Variants in RBMS3 observed in about 807,000 individuals in gnomAD.
The protein encoded by RBMS3 is RNA-binding motif, single-stranded-interacting protein 3.
In RBMS3, 27 loss-of-function variants were observed where a neutral mutation model predicts 66.8. The ratio of observed to expected loss-of-function variants is 0.40; its 90% CI spans 0.30 to 0.56. The LOEUF (loss-of-function observed/expected upper bound fraction) is 0.56, where lower values mean the gene tolerates loss of function less well. RBMS3 is among the 20% of genes least tolerant of loss of function. The probability of loss-of-function intolerance (pLI) is 0.40; values close to 1 mark genes in which losing one functional copy is unlikely to be tolerated. For missense variants in RBMS3, 513 were observed against 549.5 expected (o/e 0.93, Z 0.66); for synonymous variants, 188 against 183.0 (o/e 1.03, Z -0.22).
intron 4 of RBMS3, among the ~76,000 whole-genome samples, chr3:29,716,559 T>C (rs532877640): frequency 2.1e-4 from 32 of 152,220 alleles, no homozygotes; most frequent in Non-Finnish European, 3.7e-4. Context: ...AAGAGTGTTA[T>C]GTGCTAACTT....
chr3:29,376,178 C>T (rs186532606), intron 1 of RBMS3, among the ~76,000 whole-genome samples: 1 of 120,562 alleles, frequency 8.3e-6, no homozygotes, highest in South Asian at 2.5e-4. Flanking sequence ...ACAACACACA[C>T]TGGGTCTTGT....
At chr3:29,953,864 G>T (rs921834370) in intron 12 of RBMS3, among the ~76,000 whole-genome samples, 8 of 151,722 alleles carry the variant, frequency 5.3e-5, no homozygotes, top group African/African-American at 1.9e-4. Context: ...CTTTCTTTAT[G>T]AGAAGATCAG....
intron 4 of RBMS3, among the ~76,000 whole-genome samples, chr3:29,714,887 T>C (rs9834021): frequency 0.57 from 86,809 of 151,822 alleles, 25,295 homozygotes; most frequent in African/African-American, 0.69. Context: ...GACCTTGAGG[T>C]GAATCTTTTT....
At chr3:29,732,108 C>T (rs146132169) in intron 4 of RBMS3, among the ~76,000 whole-genome samples, 40 of 152,144 alleles carry the variant, frequency 2.6e-4, no homozygotes, top group African/African-American at 9.4e-4. Context: ...ATTGTATGAA[C>T]TTGACTCATG....
chr3:29,792,858 A>C (rs1216293011), intron 6 of RBMS3, among the ~76,000 whole-genome samples: 1 of 152,216 alleles, frequency 6.6e-6, no homozygotes, highest in African/African-American at 2.4e-5. Flanking sequence ...ATAAAGAAAA[A>C]TAGTGAGAAG....
At chr3:29,569,093 C>G (rs1480091709) in intron 3 of RBMS3, among the ~76,000 whole-genome samples, 1 of 152,116 alleles carries the variant, frequency 6.6e-6, no homozygotes, top group Non-Finnish European at 1.5e-5. Flanking sequence ...CAGCTCACAT[C>G]TGAGCAGCAA....
At chr3:29,507,191 TA>T (rs199712982) in intron 3 of RBMS3, among the ~76,000 whole-genome samples, 4 of 150,678 alleles carry the variant, frequency 2.7e-5, no homozygotes, top group African/African-American at 9.7e-5. Flanking sequence ...CAGCTGTATT[TA>T]AAAAAAAATG....
chr3:29,996,262 A>G (rs1017135471), intron 14 of RBMS3, among the ~76,000 whole-genome samples: 4 of 151,924 alleles, frequency 2.6e-5, no homozygotes, highest in Non-Finnish European at 4.4e-5. Flanking sequence ...ACCAAGATTC[A>G]TAAAGCAAGT....
intron 8 of RBMS3, among the ~76,000 whole-genome samples, chr3:29,897,044 G>T (rs1035861543): frequency 6.6e-6 from 1 of 151,536 alleles, no homozygotes; most frequent in Non-Finnish European, 1.5e-5. Context: ...CTTTTGTAAA[G>T]CTTGGTGCTT....
chr3:29,681,451 A>C (rs2051491251), intron 4 of RBMS3, among the ~76,000 whole-genome samples: 3 of 152,032 alleles, frequency 2.0e-5, no homozygotes, highest in African/African-American at 7.3e-5. Flanking sequence ...CCCATCACCC[A>C]AGTATTAAGC....
chr3:29,431,180 A>T (rs565980878), intron 1 of RBMS3, among the ~76,000 whole-genome samples: 1 of 152,202 alleles, frequency 6.6e-6, no homozygotes, highest in Non-Finnish European at 1.5e-5. Context: ...CAGGAAAAGA[A>T]GGTTTTATCC....
intron 6 of RBMS3, among the ~76,000 whole-genome samples, chr3:29,803,725 T>C (rs2057458660): frequency 6.6e-6 from 1 of 151,834 alleles, no homozygotes; most frequent in Non-Finnish European, 1.5e-5. Context: ...TAGACACACA[T>C]ACACACACAC....
intron 10 of RBMS3, among the ~76,000 whole-genome samples, chr3:29,919,901 C>T (rs574188482): frequency 6.6e-6 from 1 of 152,322 alleles, no homozygotes; most frequent in Non-Finnish European, 1.5e-5. Flanking sequence ...TTTGCTTCTT[C>T]CTACACCCAG....
intron 1 of RBMS3, among the ~76,000 whole-genome samples, chr3:29,339,410 T>G (rs2036151080): frequency 6.6e-6 from 1 of 152,108 alleles, no homozygotes; most frequent in Admixed American, 6.6e-5. Flanking sequence ...TCCTCGCAGA[T>G]GTGGAATTTC....
At chr3:29,480,274 G>A (rs375596179) in intron 2 of RBMS3, among the ~76,000 whole-genome samples, 2 of 152,168 alleles carry the variant, frequency 1.3e-5, no homozygotes, top group Non-Finnish European at 2.9e-5. Context: ...TCAGAAACTC[G>A]GGGGTTGAGG....
intron 6 of RBMS3, among the ~76,000 whole-genome samples, chr3:29,818,563 T>A (rs1235742099): frequency 6.6e-6 from 1 of 152,248 alleles, no homozygotes; most frequent in Non-Finnish European, 1.5e-5. Context: ...ACAAATGTTG[T>A]GAAAAGTTTT....
chr3:29,849,669 A>G (rs1384595577), intron 6 of RBMS3, among the ~76,000 whole-genome samples: 1 of 152,126 alleles, frequency 6.6e-6, no homozygotes, highest in Non-Finnish European at 1.5e-5. Flanking sequence ...ACAAATGGGG[A>G]AGGTCCAATA....
At chr3:29,739,683 T>C in intron 4 of RBMS3, 37 bp from the exon 5 acceptor site, 1 of 1,526,218 alleles carries the variant, frequency 6.6e-7, no homozygotes, top group Non-Finnish European at 8.8e-7. Context: ...TTCTCAATAC[T>C]CAGAACTTAC....
At position 30,008,081 on chromosome 3, in the gene RBMS3, T is replaced by TC. The variant is rs1559886829; in HGVS notation, c.*4222dup. ...TGACTCCAAAAAAGTAATTTTTTTT[T>TC]CCCAAAAAAACCTCTTTATTTAAAT... On this transcript the variant is annotated 3_prime_UTR_variant, in exon 15 of 15. Coordinates refer to ENST00000383767, the MANE Select transcript of RBMS3 (RefSeq NM_001003793.3). 1 of 150,290 alleles carries TC rather than the reference T, an allele frequency of 6.7e-6. No individual in the cohort carries two copies. The highest frequency in any genetic ancestry group is 1.5e-5 in the Non-Finnish European group (1 of 67,506). 9.3% of individuals were successfully genotyped at this position (150,290 alleles called of 1,614,324 possible).
Sources: gnomAD v4.1 joint callset for allele counts (sites outside exome capture counted in the v4.1 genomes callset) on GRCh38, gnomAD v4.1.1 for gene constraint, MANE v1.5 for transcripts, NCBI Gene and HGNC (gene_info 2026-07-23, HGNC 2026-07-21) for gene names.